The following PTPRS variants were observed in gnomAD, a reference collection of about 807,000 sequenced individuals.
PTPRS encodes the protein receptor-type tyrosine-protein phosphatase S.
In PTPRS, 63 loss-of-function variants were observed where a neutral mutation model predicts 215.3. That is an observed-to-expected ratio of 0.29 (90% CI 0.24 to 0.36). PTPRS has a LOEUF of 0.36. PTPRS is among the 10% of genes least tolerant of loss of function. PTPRS has a pLI of 1.00. For missense variants in PTPRS, 2,258 were observed against 2,825.8 expected (o/e 0.80, Z 4.56); for synonymous variants, 1,404 against 1,191.4 (o/e 1.18, Z -3.68).
At chr19:5,241,732 T>C (rs1270472668) in intron 11 of PTPRS, among the ~76,000 whole-genome samples, 1 of 151,882 alleles carries the variant, frequency 6.6e-6, no homozygotes, top group African/African-American at 2.4e-5. Context: ...AAGGAAAGGG[T>C]CAAACACTCC....
intron 1 of PTPRS, among the ~76,000 whole-genome samples, chr19:5,333,961 T>C (rs2050410161): frequency 1.5e-5 from 2 of 136,716 alleles, no homozygotes; most frequent in South Asian, 2.6e-4. Flanking sequence ...AACCCCCAAA[T>C]CCCCCCCAAA....
At chr19:5,239,153 AG>A in intron 12 of PTPRS, 90 bp from the exon 13 acceptor site, 1 of 665,950 alleles carries the variant, frequency 1.5e-6, no homozygotes, top group Non-Finnish European at 2.4e-6. Flanking sequence ...ACAGAAACAG[AG>A]GGGGGAGGGG....
chr19:5,298,415 C>G (rs911075246), intron 1 of PTPRS, among the ~76,000 whole-genome samples: 1 of 152,340 alleles, frequency 6.6e-6, no homozygotes, highest in Non-Finnish European at 1.5e-5. Flanking sequence ...GCCTGTCTGT[C>G]CCACCTCCTT....
intron 9 of PTPRS, among the ~76,000 whole-genome samples, chr19:5,247,035 GAGA>G (rs1252056870): frequency 3.3e-5 from 5 of 151,604 alleles, no homozygotes; most frequent in African/African-American, 1.2e-4. Context: ...GGGAGAAAGA[GAGA>G]AGAATAGAAA....
intron 11 of PTPRS, among the ~76,000 whole-genome samples, chr19:5,242,199 C>G (rs942503694): frequency 1.8e-5 from 2 of 113,136 alleles, no homozygotes; most frequent in African/African-American, 7.5e-5. Flanking sequence ...GAGGGAGGTT[C>G]TTAAAACTCA....
rs1043191288 is a variant in PTPRS, at chr19:5,254,305, T to G, written c.718+1803A>C. On this transcript the variant is annotated intron_variant, in intron 9 of 37. Coordinates refer to ENST00000262963, the MANE Select transcript of PTPRS (RefSeq NM_002850.4). ...AATTGGTAAGTTTGGAGAAGGTGAG[T>G]GAGGGACAAGAGGGGGAAAAGGTGA... Among the ~76,000 whole-genome samples the G allele has an allele frequency of 7.2e-5, 11 of 152,198 alleles. No homozygotes were observed. In the East Asian group the frequency reaches 7.7e-4, roughly 11 times the overall value.
At chr19:5,215,475 G>T in intron 27 of PTPRS, 23 bp downstream of exon 27, 1 of 1,607,702 alleles carries the variant, frequency 6.2e-7, no homozygotes, top group Admixed American at 1.7e-5. Flanking sequence ...GGTGATGAGG[G>T]TGGGAGGCGG....
rs1308426546 is a variant in PTPRS at position 5,205,547 on chromosome 19, A to G, written c.*1227T>C. Among the ~76,000 whole-genome samples the G allele has an allele frequency of 1.3e-5, 2 of 152,238 alleles. No homozygotes were observed. The highest frequency in any genetic ancestry group is 4.8e-5 in the African/African-American group (2 of 41,456). ...TTTAATACAAAGTCGATATATCTAC[A>G]TACACGGGGGTGGGAAAACCACCCG... On this transcript the variant is annotated 3_prime_UTR_variant, in exon 38 of 38. Coordinates refer to ENST00000262963, the MANE Select transcript of PTPRS (RefSeq NM_002850.4).
intron 35 of PTPRS, among the ~76,000 whole-genome samples, chr19:5,208,607 C>T (rs954733409): frequency 3.9e-5 from 6 of 152,052 alleles, no homozygotes; most frequent in Admixed American, 1.3e-4. Context: ...CTCAGCCTCC[C>T]GATTAGCTGG....
intron 1 of PTPRS, among the ~76,000 whole-genome samples, chr19:5,310,535 T>A (rs1035216850): frequency 3.3e-4 from 50 of 151,670 alleles, no homozygotes; most frequent in Non-Finnish European, 7.1e-4. Context: ...CCAGGCTGGT[T>A]TCAAACTCCT....
Position 5,339,198 on chromosome 19 carries a change from G to C in PTPRS, c.-95+1466C>G, listed in dbSNP as rs547850977. The stretch of plus-strand genomic sequence containing the variant: ...GGGCTCCCCTAGATTGTGACGGGGG[G>C]GGACAGGGGAATCCCAGCTGAGCCC... On this transcript the variant is annotated intron_variant, in intron 1 of 37. Transcript: ENST00000262963. This position sits in a 1 kb window ranked among gnomAD's most constrained non-coding sequence, Gnocchi z 4.2. Among the ~76,000 whole-genome samples, 1 of 152,168 alleles carries C rather than the reference G, an allele frequency of 6.6e-6. No individual in the cohort carries two copies. The highest frequency in any genetic ancestry group is 1.5e-5 in the Non-Finnish European group (1 of 68,020).
intron 5 of PTPRS, among the ~76,000 whole-genome samples, chr19:5,264,007 A>G (rs1287964712): frequency 1.3e-5 from 2 of 152,114 alleles, no homozygotes; most frequent in Non-Finnish European, 2.9e-5. Flanking sequence ...AGACAGATGG[A>G]CCCACAGATG....
At chr19:5,219,242 A>G in intron 23 of PTPRS, 68 bp downstream of exon 23, 2 of 1,581,230 alleles carry the variant, frequency 1.3e-6, no homozygotes, top group East Asian at 2.2e-5. Context: ...CTCTGAGACA[A>G]CTCCTCCCTC....
chr19:5,281,258 C>T (rs899766601), intron 2 of PTPRS, among the ~76,000 whole-genome samples: 14 of 151,786 alleles, frequency 9.2e-5, no homozygotes, highest in South Asian at 2.1e-4. Flanking sequence ...GTCAGGAGTT[C>T]GAGACCAGCT....
In PTPRS at chr19:5,286,034, CG is replaced by C; in HGVS notation, c.91+15del. 1 of 1,609,214 alleles carries C rather than the reference CG, an allele frequency of 6.2e-7. No individual in the cohort carries two copies. The highest frequency in any genetic ancestry group is 8.5e-7 in the Non-Finnish European group (1 of 1,176,120). ...CAAACACGCAGACCCCTGCACATCC[CG>C]TGCCGGCTTCTTACCTTCTGCTGCA... On this transcript the variant is annotated intron_variant, in intron 2 of 37. Coordinates refer to ENST00000262963, the MANE Select transcript of PTPRS (RefSeq NM_002850.4).
intron 4 of PTPRS, among the ~76,000 whole-genome samples, chr19:5,272,808 GCC>G (rs2047036353): frequency 6.6e-6 from 1 of 151,938 alleles, no homozygotes; most frequent in Non-Finnish European, 1.5e-5. Context: ...TCCCACCTCA[GCC>G]TCCCAAAGTG....
intron 7 of PTPRS, among the ~76,000 whole-genome samples, chr19:5,258,706 T>C (rs2146264749): frequency 6.6e-6 from 1 of 152,328 alleles, no homozygotes; most frequent in South Asian, 2.1e-4. Flanking sequence ...GTTGTACTTC[T>C]TCAGGTGTGT....
chr19:5,243,567 C>A (rs2044228358), intron 11 of PTPRS, among the ~76,000 whole-genome samples: 1 of 151,934 alleles, frequency 6.6e-6, no homozygotes, highest in Admixed American at 6.6e-5. Context: ...GCAACCTCCA[C>A]CTCCTGGGTT....
intron 11 of PTPRS, among the ~76,000 whole-genome samples, chr19:5,243,134 T>G (rs2044188727): frequency 6.6e-6 from 1 of 152,028 alleles, no homozygotes. Flanking sequence ...TCTTTTTTTT[T>G]TTTTTTAATT....
Sources: gnomAD v4.1 joint callset for allele counts (sites outside exome capture counted in the v4.1 genomes callset) on GRCh38, gnomAD v4.1.1 for gene constraint, Gnocchi (gnomAD v3.1) non-coding constraint, MANE v1.5 for transcripts, NCBI Gene and HGNC (gene_info 2026-07-23, HGNC 2026-07-21) for gene names.